ZNF534: variants seen among roughly 807,000 people sequenced by gnomAD.
ZNF534 encodes KRAB domain only 3.
Under a neutral mutation model 13.6 loss-of-function variants are expected in ZNF534, and 19 were observed. The ratio of observed to expected loss-of-function variants is 1.40; its 90% confidence interval spans 0.97 to 2.05. The LOEUF (loss-of-function observed/expected upper bound fraction) is 2.05, where lower values mean the gene tolerates loss of function less well. Among genes scored for constraint, ZNF534 ranks in the 30% most tolerant of loss-of-function variants. ZNF534 has a pLI of 0.00. For missense variants in ZNF534, 782 were observed against 796.3 expected, an observed-to-expected ratio of 0.98 and a Z score of 0.22; for synonymous variants, 244 against 273.8, an observed-to-expected ratio of 0.89 and a Z score of 1.07.
rs1384811349 is a variant in ZNF534, at chr19:52,439,079, A to G, written c.1619A>G (p.His540Arg). The change falls in exon 5 of 5, where the codon CAT becomes CGT. Residue 540 changes from histidine (H) to arginine (R), a missense_variant. Physicochemically the swap from His to Arg is conservative, Grantham distance 29 (BLOSUM62 0). Coordinates refer to ENST00000433050, the MANE Select transcript of ZNF534 (RefSeq NM_001143938.3). ...CGTCGGAATTCACACCTTGTGCGAC[A>G]TAGGAATGTTCATACTGGAGAAAAG... ...VFRRNSHLVR[H>R]RNVHTGEKPY... The G allele has an allele frequency of 1.3e-6, 2 of 1,593,670 alleles. No individual in the cohort carries two copies. Among genetic ancestry groups the G allele is most frequent in the African/African-American group, 2.7e-5 (2 of 74,304 alleles).
intron 3 of ZNF534, among the ~76,000 whole-genome samples, chr19:52,434,291 C>T (rs113398066): frequency 0.018 from 2,738 of 151,418 alleles, 89 homozygotes; most frequent in African/African-American, 0.063. Flanking sequence ...GTCAGGAGAT[C>T]GAGACCACGG....
intron 3 of ZNF534, among the ~76,000 whole-genome samples, chr19:52,434,325 T>C (rs2059113921): frequency 6.6e-6 from 1 of 151,036 alleles, no homozygotes; most frequent in African/African-American, 2.4e-5. Flanking sequence ...CTACTAAAGA[T>C]ACAAAAAAGG....
At position 52,451,711 on chromosome 19, in the gene ZNF534, G is replaced by A. The variant is rs893784857; in HGVS notation, c.*214G>A. ...GAGAGTAGCTCCAAGGTCTGGCTTGGCTGCAAAACACTTTGTTGATGTAGG... is the reference window on the plus strand; with the variant it reads ...GAGAGTAGCTCCAAGGTCTGGCTTGACTGCAAAACACTTTGTTGATGTAGG... On this transcript the variant is annotated 3_prime_UTR_variant, in exon 5 of 5. Transcript: ENST00000301085. 2.2e-5 allele frequency: 15 copies of A among 677,756 alleles called. No homozygotes were observed. The African/African-American group carries it at 2.5e-4, about 11-fold the overall frequency. The allele number at this position is 677,756 out of a possible 1,614,324, so 42.0% of individuals were successfully genotyped here. A position where few individuals can be genotyped will look rare whatever the true frequency, so the allele number is the denominator to read the frequency against.
intron 3 of ZNF534, among the ~76,000 whole-genome samples, chr19:52,434,724 C>T (rs1478271662): frequency 2.1e-5 from 3 of 139,766 alleles, no homozygotes; most frequent in Non-Finnish European, 4.6e-5. Flanking sequence ...GAGTGAGACT[C>T]TGTCTCAAAA....
At chr19:52,451,577 G>C in exon 5 of ZNF534, 1 of 599,432 alleles carries the variant, frequency 1.7e-6, no homozygotes, top group Admixed American at 2.9e-5. Context: ...CTGGCTCTCC[G>C]GGCACGCGGG....
At chr19:52,432,869 A>G (rs1188511771) in intron 2 of ZNF534, among the ~76,000 whole-genome samples, 1 of 151,952 alleles carries the variant, frequency 6.6e-6, no homozygotes, top group Non-Finnish European at 1.5e-5. Flanking sequence ...TTACCTCATG[A>G]TCCACCTGCC....
intron 1 of ZNF534, among the ~76,000 whole-genome samples, chr19:52,430,840 A>G (rs934498409): frequency 1.5e-5 from 2 of 131,814 alleles, no homozygotes; most frequent in African/African-American, 6.4e-5. Flanking sequence ...ACCACCACAC[A>G]TGGCCTTTTT....
chr19:52,439,824 T>A lies in ZNF534; in HGVS notation c.*378T>A, dbSNP rs2122704460. The stretch of plus-strand genomic sequence containing the variant: ...TGGCTCACGCCTTTAATCCCAGTAC[T>A]TTGGGAGGCCAAGGTGGCCAGATCA... On this transcript the variant is annotated 3_prime_UTR_variant, in exon 5 of 5. Coordinates refer to ENST00000433050, the MANE Select transcript of ZNF534 (RefSeq NM_001143938.3). Among the ~76,000 whole-genome samples the A allele has an allele frequency of 6.6e-6, 1 of 152,038 alleles. No individual in the cohort carries two copies. Among genetic ancestry groups the A allele is most frequent in the African/African-American group, 2.4e-5 (1 of 41,454 alleles).
intron 2 of ZNF534, 121 bp downstream of exon 2, chr19:52,431,610 T>C (rs755532461): frequency 6.1e-6 from 8 of 1,308,624 alleles, no homozygotes; most frequent in Non-Finnish European, 8.7e-6. Context: ...CACTTACCCA[T>C]GGCTTCTTCC....
intron 4 of ZNF534, among the ~76,000 whole-genome samples, chr19:52,436,834 A>G (rs113966707): frequency 2.0e-5 from 3 of 151,860 alleles, no homozygotes; most frequent in African/African-American, 2.4e-5. Flanking sequence ...TTCTTTTCAC[A>G]TACTGTTTTT....
In ZNF534 at chr19:52,433,995, A is replaced by C. The variant is rs758726549; in HGVS notation, c.56A>C (p.Gln19Pro). 5 of 1,613,992 alleles carry C rather than the reference A, an allele frequency of 3.1e-6. No homozygotes were observed. Among genetic ancestry groups the C allele is most frequent in the Non-Finnish European group, 4.2e-6 (5 of 1,179,996 alleles). Residue 19 changes from glutamine to proline, a missense_variant, in exon 3 of 5, where the codon CAG becomes CCG. Physicochemically the swap from Gln to Pro is moderately conservative, Grantham distance 76. Around this residue, in one of 5 missense-constraint regions of ZNF534, gnomAD observed 81 missense variants for 63.5 expected, o/e 1.28. Transcript: ENST00000433050. ...SFSDVAIEFS[Q>P]EEWKCLDPGQ... ...AGCGATGTGGCCATAGAATTCTCTC[A>C]GGAGGAGTGGAAATGCCTGGACCCT...
rs1409740372 is a variant in ZNF534, at chr19:52,435,175, A to G, written c.237A>G (p.Pro79=). ...LQSEVKIINN[P]DGRECIKGVN... ...GTGAAGTGAAAATAATAAACAATCC[A>G]GATGGCAGGGAGTGCATCAAAGGTG... Residue 79 remains proline (P), a synonymous_variant, in exon 4 of 5, where the codon CCA becomes CCG. Transcript: ENST00000433050. The G allele has an allele frequency of 1.2e-6, 2 of 1,612,698 alleles. No homozygotes were observed. The highest frequency in any genetic ancestry group is 2.7e-5 in the African/African-American group (2 of 74,882).
rs1256107289 is a variant in ZNF534, at chr19:52,437,754, C to T, written c.294C>T (p.Ser98=). ...TAGAGAAGAGTTCTAAATTGGGAAG[C>T]AGTGCAGGAAACAAGTCACTTAAAA... ...VNTEKSSKLG[S]SAGNKSLKNQ... Residue 98 remains serine (S), a synonymous_variant, in exon 5 of 5, where the codon AGC becomes AGT. Coordinates refer to ENST00000433050, the MANE Select transcript of ZNF534 (RefSeq NM_001143938.3). 3 of 1,576,938 alleles carry T rather than the reference C, an allele frequency of 1.9e-6. No homozygotes were observed. Among genetic ancestry groups the T allele is most frequent in the South Asian group, 1.2e-5 (1 of 84,288 alleles).
At chr19:52,443,592 A>C (rs2059184082), downstream of ZNF534, among the ~76,000 whole-genome samples, 1 of 152,122 alleles carries the variant, frequency 6.6e-6, no homozygotes, top group Non-Finnish European at 1.5e-5. Flanking sequence ...TATACTAAAA[A>C]TACAAAAATT....
At position 52,442,313 on chromosome 19, in the gene ZNF534, T is replaced by C. The variant is rs2059178172; in HGVS notation, c.*2867T>C. Among the ~76,000 whole-genome samples the C allele has an allele frequency of 6.6e-6, 1 of 152,220 alleles. No homozygotes were observed. Among genetic ancestry groups the C allele is most frequent in the Non-Finnish European group, 1.5e-5 (1 of 68,040 alleles). ...GCCCACCCAGGGCAGAAAAACCGCTTAAGGCGTTCCAGAACCACAAATAAT... is the reference window on the plus strand; with the variant it reads ...GCCCACCCAGGGCAGAAAAACCGCTCAAGGCGTTCCAGAACCACAAATAAT... On this transcript the variant is annotated 3_prime_UTR_variant, in exon 5 of 5. Transcript: ENST00000433050.
intron 2 of ZNF534, among the ~76,000 whole-genome samples, chr19:52,433,590 T>A (rs143500080): frequency 3.9e-5 from 6 of 152,208 alleles, no homozygotes; most frequent in South Asian, 4.1e-4. Context: ...ATGGTCTTGA[T>A]CTCCTGACCT....
At chr19:52,451,725 T>C (rs996251058) in exon 5 of ZNF534, 14 of 683,544 alleles carry the variant, frequency 2.0e-5, no homozygotes, top group Admixed American at 6.6e-5. Context: ...CAAAACACTT[T>C]GTTGATGTAG....
intron 4 of ZNF534, among the ~76,000 whole-genome samples, chr19:52,449,354 T>TTC (rs112933256): frequency 0.87 from 127,171 of 146,510 alleles, 55,592 homozygotes; most frequent in Non-Finnish European, 0.93. Context: ...TCCATCCTCA[T>TTC]TCTCTCTCTC....
In ZNF534 at chr19:52,438,681, G is replaced by A. The variant is rs973690608; in HGVS notation, c.1221G>A (p.Gly407=). 6.3e-7 allele frequency: 1 copy of A among 1,579,766 alleles called. No individual in the cohort carries two copies. Among genetic ancestry groups the A allele is most frequent in the Non-Finnish European group, 8.6e-7 (1 of 1,162,008 alleles). ...GACATAGGAAAATTCATACTGGGGG[G>A]AGGCGTTACAAATGTAATGAATGTG... is the stretch of plus-strand genomic sequence containing the variant. ...LARHRKIHTG[G]RRYKCNECGK... is the part of the protein sequence containing the mutation. Residue 407 remains glycine, a synonymous_variant, in exon 5 of 5, where the codon GGG becomes GGA. Coordinates refer to ENST00000433050, the MANE Select transcript of ZNF534 (RefSeq NM_001143938.3).
Sources: allele counts gnomAD v4.1 joint callset (sites outside exome capture counted in the v4.1 genomes callset), GRCh38; gene constraint gnomAD v4.1.1; regional missense constraint gnomAD v4.1.1; transcripts MANE v1.5; gene names NCBI Gene and HGNC (gene_info 2026-07-23, HGNC 2026-07-21).